The following FRMD5 variants were observed in gnomAD, a reference collection of about 807,000 sequenced individuals.
FRMD5 encodes FERM domain containing 5.
Under a neutral mutation model 69.0 loss-of-function variants are expected in FRMD5, and 20 were observed. The ratio of observed to expected loss-of-function variants is 0.29; its 90% CI spans 0.20 to 0.42. The LOEUF is 0.42. FRMD5 is among the 10% of genes least tolerant of loss of function. The pLI is 1.00. For synonymous variants in FRMD5, 271 were observed against 260.1 expected (o/e 1.04, Z -0.40); for missense variants, 595 against 708.6 (o/e 0.84, Z 1.82).
intron 13 of FRMD5, among the ~76,000 whole-genome samples, chr15:43,881,332 C>A (rs1482821341): frequency 6.6e-6 from 1 of 152,102 alleles, no homozygotes; most frequent in Non-Finnish European, 1.5e-5. Context: ...AGATGTACAC[C>A]CCAAAAGAGG....
intron 1 of FRMD5, among the ~76,000 whole-genome samples, chr15:44,019,119 T>A (rs1891097072): frequency 6.6e-6 from 1 of 152,138 alleles, no homozygotes; most frequent in Non-Finnish European, 1.5e-5. Context: ...GGTCTTGAAC[T>A]CCTGACCTCG....
chr15:44,165,308 G>A (rs2077691219), intron 1 of FRMD5, among the ~76,000 whole-genome samples: 1 of 152,154 alleles, frequency 6.6e-6, no homozygotes, highest in Admixed American at 6.5e-5. Context: ...TGTAATCCCA[G>A]CTACTGGGGA....
At chr15:43,880,669 G>C (rs1025983467) in intron 13 of FRMD5, among the ~76,000 whole-genome samples, 87 of 152,318 alleles carry the variant, frequency 5.7e-4, no homozygotes, top group African/African-American at 1.9e-3. Flanking sequence ...TGGGTCCTGG[G>C]CTGGGGGCCA....
At chr15:43,998,012 G>A (rs1890018820) in intron 1 of FRMD5, among the ~76,000 whole-genome samples, 2 of 151,938 alleles carry the variant, frequency 1.3e-5, no homozygotes, top group African/African-American at 4.8e-5. Flanking sequence ...TAGTAAAATG[G>A]TCCTTTGTGT....
chr15:43,913,750 T>A (rs1390574244), intron 4 of FRMD5, among the ~76,000 whole-genome samples: 1 of 152,106 alleles, frequency 6.6e-6, no homozygotes, highest in South Asian at 2.1e-4. Context: ...GAAATAGAAG[T>A]CCAGAGATGG....
At chr15:44,014,895 T>C (rs921633798) in intron 1 of FRMD5, among the ~76,000 whole-genome samples, 1 of 152,222 alleles carries the variant, frequency 6.6e-6, no homozygotes, top group Non-Finnish European at 1.5e-5. Context: ...GTTATGTCAA[T>C]TATAAACTTA....
intron 1 of FRMD5, among the ~76,000 whole-genome samples, chr15:44,096,673 G>C (rs759993049): frequency 3.3e-5 from 5 of 152,096 alleles, no homozygotes; most frequent in Non-Finnish European, 7.4e-5. Context: ...AAAGTGCTGG[G>C]ATTACAGCAC....
intron 1 of FRMD5, among the ~76,000 whole-genome samples, chr15:44,056,383 C>A (rs186012791): frequency 1.3e-5 from 2 of 152,316 alleles, no homozygotes; most frequent in East Asian, 3.9e-4. Context: ...GCAGAAATCT[C>A]AATATAGGCT....
chr15:43,979,113 T>C (rs1314347599), intron 1 of FRMD5, among the ~76,000 whole-genome samples: 1 of 152,008 alleles, frequency 6.6e-6, no homozygotes, highest in Non-Finnish European at 1.5e-5. Context: ...CGAGGCGGGC[T>C]GATCACCTGA....
intron 1 of FRMD5, among the ~76,000 whole-genome samples, chr15:43,959,471 T>C (rs2090163287): frequency 6.6e-6 from 1 of 152,234 alleles, no homozygotes; most frequent in South Asian, 2.1e-4. Flanking sequence ...TAGATTTTAA[T>C]AGTCGATATG....
intron 1 of FRMD5, among the ~76,000 whole-genome samples, chr15:44,144,054 A>G (rs2077317072): frequency 6.6e-6 from 1 of 152,130 alleles, no homozygotes; most frequent in Admixed American, 6.5e-5. Flanking sequence ...CTGTATAACT[A>G]TGAAGTCCCT....
At position 43,912,082 on chromosome 15, in the gene FRMD5, C is replaced by T. The variant is rs1251756490; in HGVS notation, c.330-2103G>A. On this transcript the variant is annotated intron_variant, in intron 4 of 13. Transcript: ENST00000417257. ...ATAAAGAATATAGGCCCATCCTACA[C>T]TTCCACCTACACCTTTTAACAAGAT... Among the ~76,000 whole-genome samples, 6 of 152,300 alleles carry T rather than the reference C, an allele frequency of 3.9e-5. No individual in the cohort carries two copies. The East Asian group carries it at 1.2e-3, about 29-fold the overall frequency.
At chr15:43,907,228 G>C (rs689222) in intron 5 of FRMD5, among the ~76,000 whole-genome samples, 151,894 of 152,324 alleles carry the variant, frequency 1, 75,736 homozygotes, top group Middle Eastern at 1. Context: ...AAGAGGAAAA[G>C]GTGCCCTCCT....
chr15:44,099,706 A>G (rs2076608724), intron 1 of FRMD5, among the ~76,000 whole-genome samples: 1 of 152,170 alleles, frequency 6.6e-6, no homozygotes, highest in Non-Finnish European at 1.5e-5. Flanking sequence ...AAAAAGATAC[A>G]TCTTTTATCC....
At chr15:43,963,490 A>T (rs931148405) in intron 1 of FRMD5, among the ~76,000 whole-genome samples, 32 of 152,260 alleles carry the variant, frequency 2.1e-4, no homozygotes, top group African/African-American at 7.5e-4. Context: ...ATTGTGGAAG[A>T]CAGTGTGGCA....
intron 1 of FRMD5, among the ~76,000 whole-genome samples, chr15:44,126,496 T>C (rs939558861): frequency 6.6e-6 from 1 of 152,212 alleles, no homozygotes; most frequent in Non-Finnish European, 1.5e-5. Context: ...TAATAAAATG[T>C]GAGCATCTAA....
chr15:43,912,034 C>T (rs893105506), intron 4 of FRMD5, among the ~76,000 whole-genome samples: 16 of 152,178 alleles, frequency 1.1e-4, no homozygotes, highest in Admixed American at 4.6e-4. Context: ...GGGGTATCAG[C>T]ATCACTTGAG....
chr15:44,120,406 A>T (rs2076930189), intron 1 of FRMD5, among the ~76,000 whole-genome samples: 1 of 152,232 alleles, frequency 6.6e-6, no homozygotes, highest in South Asian at 2.1e-4. Context: ...GAACCGACAA[A>T]ACATGATAAG....
intron 1 of FRMD5, among the ~76,000 whole-genome samples, chr15:44,166,478 T>G (rs1016483987): frequency 6.6e-6 from 1 of 152,096 alleles, no homozygotes; most frequent in African/African-American, 2.4e-5. Flanking sequence ...TCTCGTTATC[T>G]TTACACTTAG....
Sources: gnomAD v4.1 joint callset for allele counts (sites outside exome capture counted in the v4.1 genomes callset) on GRCh38, gnomAD v4.1.1 for gene constraint, MANE v1.5 for transcripts, NCBI Gene and HGNC (gene_info 2026-07-23, HGNC 2026-07-21) for gene names.